The following GAS7 variants were observed in gnomAD, a reference collection of about 807,000 sequenced individuals.
GAS7 encodes growth arrest specific 7, also known as growth arrest-specific protein 7.
Under a neutral mutation model 71.1 loss-of-function variants are expected in GAS7, and 28 were observed. The ratio of observed to expected loss-of-function variants is 0.39; its 90% confidence interval spans 0.29 to 0.54. The LOEUF is 0.54. Among genes scored for constraint, GAS7 ranks in the 20% least tolerant of loss-of-function variants. The probability of loss-of-function intolerance (pLI) is 0.62; values close to 1 mark genes in which losing one functional copy is unlikely to be tolerated. For missense variants in GAS7, 436 were observed against 627.8 expected (o/e 0.69, Z 3.27); for synonymous variants, 258 against 245.8 (o/e 1.05, Z -0.46).
At chr17:9,988,369 G>GC (rs1427867305) in intron 2 of GAS7, among the ~76,000 whole-genome samples, 1 of 152,168 alleles carries the variant, frequency 6.6e-6, no homozygotes, top group Non-Finnish European at 1.5e-5. Flanking sequence ...CTCCAAGCGA[G>GC]CCCCATTGCC....
chr17:10,163,380 C>T (rs1315812717), intron 1 of GAS7, among the ~76,000 whole-genome samples: 1 of 151,510 alleles, frequency 6.6e-6, no homozygotes, highest in Non-Finnish European at 1.5e-5. Context: ...CTTGCCTCGG[C>T]CTCCCAAAGT....
intron 1 of GAS7, among the ~76,000 whole-genome samples, chr17:10,073,178 C>T (rs190790355): frequency 5.3e-5 from 8 of 152,286 alleles, no homozygotes; most frequent in Admixed American, 6.5e-5. Flanking sequence ...TGAGGGCTTC[C>T]CAGGACTCGA....
At chr17:10,109,244 C>T (rs2073787644) in intron 1 of GAS7, among the ~76,000 whole-genome samples, 1 of 152,158 alleles carries the variant, frequency 6.6e-6, no homozygotes, top group African/African-American at 2.4e-5. Flanking sequence ...AAATACCCAA[C>T]ATCACTAATC....
At chr17:10,160,822 C>T (rs2953449) in intron 1 of GAS7, among the ~76,000 whole-genome samples, 40,720 of 151,948 alleles carry the variant, frequency 0.27, 5,777 homozygotes, top group Middle Eastern at 0.33. Context: ...CTCAAGCAAT[C>T]CTCCTACCTC....
intron 1 of GAS7, among the ~76,000 whole-genome samples, chr17:10,029,707 C>T (rs2072563027): frequency 6.6e-6 from 1 of 151,972 alleles, no homozygotes; most frequent in South Asian, 2.1e-4. Flanking sequence ...TAAAAATTAG[C>T]CAGACGTGGT....
At chr17:9,936,300 T>G (rs1205894273) in intron 8 of GAS7, among the ~76,000 whole-genome samples, 2 of 151,882 alleles carry the variant, frequency 1.3e-5, no homozygotes, top group Non-Finnish European at 1.5e-5. Context: ...TGAACAAGAG[T>G]CACAGAGCCA....
chr17:9,989,790 AC>A (rs2070772933), intron 2 of GAS7, among the ~76,000 whole-genome samples: 1 of 152,126 alleles, frequency 6.6e-6, no homozygotes, highest in African/African-American at 2.4e-5. Flanking sequence ...ATCGCAAATT[AC>A]CCCCAATTTA....
intron 1 of GAS7, among the ~76,000 whole-genome samples, chr17:10,067,605 G>A (rs979963898): frequency 6.6e-6 from 1 of 152,158 alleles, no homozygotes; most frequent in African/African-American, 2.4e-5. Flanking sequence ...GGGGTAATCA[G>A]AAGGAAGACC....
At chr17:10,012,827 G>A (rs187563203) in intron 2 of GAS7, among the ~76,000 whole-genome samples, 154 of 152,136 alleles carry the variant, frequency 1.0e-3, no homozygotes, top group Non-Finnish European at 1.9e-3. Context: ...CCCAGGCAGG[G>A]CGCGGTGGCT....
intron 2 of GAS7, among the ~76,000 whole-genome samples, chr17:10,010,790 T>C (rs1029030656): frequency 6.6e-6 from 1 of 152,228 alleles, no homozygotes; most frequent in African/African-American, 2.4e-5. Flanking sequence ...AATACTGAAC[T>C]AAAGTACAGT....
At chr17:10,099,125 G>A (rs2073672842) in intron 1 of GAS7, among the ~76,000 whole-genome samples, 1 of 152,134 alleles carries the variant, frequency 6.6e-6, no homozygotes, top group Non-Finnish European at 1.5e-5. Flanking sequence ...AGGCCTGCTG[G>A]ATTTAATAAT....
chr17:9,911,851 A>T lies in GAS7; in HGVS notation c.*5377T>A, dbSNP rs902134415. ...TCTCGGGACTCACCTTTCACTGAGCAGGGGGCATGAACAAGACACAGCTTA... is the reference window on the plus strand; with the variant it reads ...TCTCGGGACTCACCTTTCACTGAGCTGGGGGCATGAACAAGACACAGCTTA... On this transcript the variant is annotated 3_prime_UTR_variant, in exon 14 of 14. Coordinates refer to ENST00000432992, the MANE Select transcript of GAS7 (RefSeq NM_201433.2). The surrounding 1 kb of genome is among the most constrained non-coding windows in gnomAD (Gnocchi z 4.0). The T allele has an allele frequency of 3.5e-5, 8 of 231,596 alleles. No homozygotes were observed. Among genetic ancestry groups the T allele is most frequent in the Non-Finnish European group, 6.8e-5 (8 of 117,188 alleles). 14.3% of individuals were successfully genotyped at this position (231,596 alleles called of 1,614,324 possible).
chr17:10,006,587 C>T (rs2071542564), intron 2 of GAS7, among the ~76,000 whole-genome samples: 1 of 152,048 alleles, frequency 6.6e-6, no homozygotes, highest in South Asian at 2.1e-4. Context: ...CCTCGGCCTC[C>T]CAAAGTGCTG....
intron 9 of GAS7, among the ~76,000 whole-genome samples, chr17:9,931,220 C>T (rs1255588772): frequency 6.6e-6 from 1 of 152,198 alleles, no homozygotes; most frequent in Non-Finnish European, 1.5e-5. Context: ...GTGATCTCAC[C>T]CCACCTCTTC....
chr17:10,160,386 A>G (rs1389019308), intron 1 of GAS7, among the ~76,000 whole-genome samples: 3 of 152,354 alleles, frequency 2.0e-5, no homozygotes, highest in South Asian at 2.1e-4. Context: ...GATATTAAAT[A>G]AAACAGTTAC....
At chr17:9,924,762 C>T (rs1567777532) in intron 11 of GAS7, 1 of 152,192 alleles carries the variant, frequency 6.6e-6, no homozygotes, top group Admixed American at 6.5e-5. Flanking sequence ...ACAGACCAAA[C>T]TCTAATACTA....
At chr17:10,143,219 C>A (rs1430836068) in intron 1 of GAS7, among the ~76,000 whole-genome samples, 1 of 151,628 alleles carries the variant, frequency 6.6e-6, no homozygotes. Flanking sequence ...GAAGTCTTAA[C>A]CCCTAGTAAC....
intron 3 of GAS7, among the ~76,000 whole-genome samples, chr17:9,975,798 G>A (rs916322163): frequency 2.6e-5 from 4 of 152,174 alleles, no homozygotes; most frequent in Admixed American, 2.6e-4. Flanking sequence ...CAAGGCAACA[G>A]CATGCAGCAT....
chr17:10,064,728 T>G (rs997903241), intron 1 of GAS7, among the ~76,000 whole-genome samples: 1 of 148,958 alleles, frequency 6.7e-6, no homozygotes, highest in Non-Finnish European at 1.5e-5. Context: ...GAATCAGAGA[T>G]AGAGAAACAT....
Sources: gnomAD v4.1 joint callset for allele counts (sites outside exome capture counted in the v4.1 genomes callset) on GRCh38, gnomAD v4.1.1 for gene constraint, Gnocchi (gnomAD v3.1) non-coding constraint, MANE v1.5 for transcripts, NCBI Gene and HGNC (gene_info 2026-07-23, HGNC 2026-07-21) for gene names.